Variants in KCNIP4 observed in about 807,000 individuals in gnomAD.
The protein encoded by KCNIP4 is potassium voltage-gated channel interacting protein 4, also known as Kv channel-interacting protein 4.
A neutral mutation model predicts 34.0 loss-of-function variants in KCNIP4; 12 were observed. The observed-to-expected ratio is 0.35, with a 90% CI of 0.23 to 0.57. The LOEUF is 0.57. KCNIP4 is among the 20% of genes least tolerant of loss of function. KCNIP4 has a pLI of 0.83. For synonymous variants in KCNIP4, 124 were observed against 102.2 expected (o/e 1.21, Z -1.29); for missense variants, 238 against 311.7 (o/e 0.76, Z 1.78).
At chr4:21,219,082 C>A (rs995202120) in intron 1 of KCNIP4, among the ~76,000 whole-genome samples, 11 of 152,000 alleles carry the variant, frequency 7.2e-5, no homozygotes, top group African/African-American at 2.4e-4. Context: ...GCTTAAATGA[C>A]CACAAAAGCA....
At position 20,836,869 on chromosome 4, in the gene KCNIP4, C is replaced by T. The variant is rs1191785642; in HGVS notation, c.288+13674G>A. Among the ~76,000 whole-genome samples, 20 of 135,560 alleles carry T rather than the reference C, an allele frequency of 1.5e-4. No individual in the cohort carries two copies. In the South Asian group the frequency reaches 5.1e-3, roughly 35 times the overall value. 88.9% of individuals were successfully genotyped at this position (135,560 alleles called of 152,430 possible). A position where few individuals can be genotyped will look rare whatever the true frequency, so the allele number is the denominator to read the frequency against. The stretch of plus-strand genomic sequence containing the variant: ...ACAGGAGTCTCTTTCATAGAGTTCT[C>T]TCTTTTTTTTTTTCCATTGGATGTA... On this transcript the variant is annotated intron_variant, in intron 3 of 8. Transcript: ENST00000382152.
chr4:21,244,231 T>G (rs1760044267), intron 1 of KCNIP4, among the ~76,000 whole-genome samples: 1 of 152,186 alleles, frequency 6.6e-6, no homozygotes, highest in Admixed American at 6.5e-5. Context: ...ATAATTGGGA[T>G]AGTCATCACC....
chr4:20,985,159 C>T (rs1736457423), intron 1 of KCNIP4, among the ~76,000 whole-genome samples: 1 of 152,146 alleles, frequency 6.6e-6, no homozygotes, highest in Non-Finnish European at 1.5e-5. Flanking sequence ...TATCTCAGAC[C>T]TCCAGGGTCA....
intron 1 of KCNIP4, among the ~76,000 whole-genome samples, chr4:21,748,242 A>T (rs1266778935): frequency 6.6e-6 from 1 of 152,202 alleles, no homozygotes; most frequent in Non-Finnish European, 1.5e-5. Context: ...AAACAGCACC[A>T]AAAGAGCAGA....
intron 1 of KCNIP4, among the ~76,000 whole-genome samples, chr4:21,587,587 G>A (rs2109085683): frequency 6.6e-6 from 1 of 152,022 alleles, no homozygotes; most frequent in South Asian, 2.1e-4. Flanking sequence ...CAGTAATAAT[G>A]GCTAACATGT....
At chr4:20,801,956 T>A (rs944681245) in intron 3 of KCNIP4, among the ~76,000 whole-genome samples, 2 of 151,512 alleles carry the variant, frequency 1.3e-5, no homozygotes, top group Non-Finnish European at 2.9e-5. Flanking sequence ...CACATGTAAC[T>A]AAAAGAGAGC....
At chr4:21,460,416 G>A (rs1222277198) in intron 1 of KCNIP4, among the ~76,000 whole-genome samples, 1 of 152,002 alleles carries the variant, frequency 6.6e-6, no homozygotes, top group South Asian at 2.1e-4. Context: ...TCTTGTCTTA[G>A]CTCAGATTGC....
At chr4:21,109,573 C>T (rs1748959519) in intron 1 of KCNIP4, among the ~76,000 whole-genome samples, 1 of 152,212 alleles carries the variant, frequency 6.6e-6, no homozygotes, top group South Asian at 2.1e-4. Context: ...CAATGCCTGG[C>T]CCTGCTTTGG....
chr4:20,843,739 A>G (rs1720035979), intron 3 of KCNIP4, among the ~76,000 whole-genome samples: 1 of 152,238 alleles, frequency 6.6e-6, no homozygotes, highest in South Asian at 2.1e-4. Context: ...CAAGAAAACA[A>G]AACAAAACAA....
At chr4:20,730,217 T>TCAAC (rs1381796536) in intron 8 of KCNIP4, 88 bp from the exon 9 acceptor site, 2 of 1,396,602 alleles carry the variant, frequency 1.4e-6, no homozygotes, top group Admixed American at 5.0e-5. Flanking sequence ...CCTCCTCCCA[T>TCAAC]CAACCACCTC....
intron 1 of KCNIP4, among the ~76,000 whole-genome samples, chr4:20,987,115 C>T (rs1736647583): frequency 6.6e-6 from 1 of 152,060 alleles, no homozygotes; most frequent in Admixed American, 6.5e-5. Context: ...GTTTATCTAG[C>T]GCCACTCTTG....
chr4:21,924,163 A>G lies in KCNIP4; in HGVS notation c.61+24408T>C, dbSNP rs575225827. Among the ~76,000 whole-genome samples, 40 of 152,318 alleles carry G rather than the reference A, an allele frequency of 2.6e-4. No homozygotes were observed. The Middle Eastern group carries it at 0.01, about 39-fold the overall frequency. On this transcript the variant is annotated intron_variant, in intron 1 of 8. Coordinates refer to ENST00000382152, the MANE Select transcript of KCNIP4 (RefSeq NM_025221.6). ...GTTTCTTGTTGAAGAAAGAAAAATA[A>G]ACTCCTTTAACTGAATAGTAATATA...
At chr4:21,496,098 T>C (rs934661790) in intron 1 of KCNIP4, among the ~76,000 whole-genome samples, 4 of 152,216 alleles carry the variant, frequency 2.6e-5, no homozygotes, top group African/African-American at 9.6e-5. Flanking sequence ...CATCACTAAA[T>C]TGAACAAGCA....
At chr4:21,394,391 G>A (rs1212173994) in intron 1 of KCNIP4, among the ~76,000 whole-genome samples, 1 of 152,088 alleles carries the variant, frequency 6.6e-6, no homozygotes, top group Admixed American at 6.5e-5. Flanking sequence ...GAGTAGTTAA[G>A]TGACCCAGAA....
chr4:21,909,544 T>C (rs1728183611), intron 1 of KCNIP4, among the ~76,000 whole-genome samples: 1 of 152,116 alleles, frequency 6.6e-6, no homozygotes. Flanking sequence ...GTTTCTTAAT[T>C]TGCTTTGGGT....
intron 1 of KCNIP4, among the ~76,000 whole-genome samples, chr4:20,988,262 A>G (rs1736775014): frequency 6.6e-6 from 1 of 152,010 alleles, no homozygotes. Context: ...GGGCCGTTTA[A>G]CTGGTTGAGA....
At chr4:21,588,245 C>A (rs1237007140) in intron 1 of KCNIP4, among the ~76,000 whole-genome samples, 1 of 151,952 alleles carries the variant, frequency 6.6e-6, no homozygotes, top group Non-Finnish European at 1.5e-5. Context: ...CCAATGAAAT[C>A]ATAATGATCT....
At chr4:21,226,665 T>C (rs1217384263) in intron 1 of KCNIP4, among the ~76,000 whole-genome samples, 2 of 152,144 alleles carry the variant, frequency 1.3e-5, no homozygotes, top group Non-Finnish European at 2.9e-5. Context: ...ATGATGAAAA[T>C]GACACATTGG....
chr4:20,894,121 T>C (rs1460522055), intron 1 of KCNIP4, among the ~76,000 whole-genome samples: 8 of 152,134 alleles, frequency 5.3e-5, no homozygotes, highest in African/African-American at 1.7e-4. Context: ...CCTCAAGTGA[T>C]CCGCACACCT....
Sources: gnomAD v4.1 joint callset for allele counts (sites outside exome capture counted in the v4.1 genomes callset) on GRCh38, gnomAD v4.1.1 for gene constraint, MANE v1.5 for transcripts, NCBI Gene and HGNC (gene_info 2026-07-23, HGNC 2026-07-21) for gene names.